ZNF462: variants seen among roughly 807,000 people sequenced by gnomAD.
The protein encoded by ZNF462 is zinc finger protein 462.
ZNF462 carries 10 observed loss-of-function variants against 201.9 expected under a neutral mutation model. The ratio of observed to expected loss-of-function variants is 0.05; its 90% CI spans 0.03 to 0.08. The LOEUF (loss-of-function observed/expected upper bound fraction) is 0.08, where lower values mean the gene tolerates loss of function less well. Among genes scored for constraint, ZNF462 ranks in the 10% least tolerant of loss-of-function variants. ZNF462 has a pLI of 1.00. For synonymous variants in ZNF462, 1,227 were observed against 1,193.3 expected (o/e 1.03, Z -0.58); for missense variants, 2,523 against 3,168.3 (o/e 0.80, Z 4.89).
At chr9:106,916,273 C>T (rs1829770566) in intron 1 of ZNF462, among the ~76,000 whole-genome samples, 1 of 152,172 alleles carries the variant, frequency 6.6e-6, no homozygotes, top group African/African-American at 2.4e-5. Flanking sequence ...CATGAAGACG[C>T]ACCCAAGGCC....
At chr9:106,949,597 C>A (rs12351612) in intron 7 of ZNF462, among the ~76,000 whole-genome samples, 11,469 of 152,164 alleles carry the variant, frequency 0.075, 1,390 homozygotes, top group African/African-American at 0.26. Flanking sequence ...CAAGCAGCCA[C>A]GGAGACAAGT....
chr9:106,974,185 G>C lies in ZNF462; in HGVS notation c.6744G>C (p.Glu2248Asp). 6.2e-7 allele frequency: 1 copy of C among 1,614,114 alleles called. No homozygotes were observed. The highest frequency in any genetic ancestry group is 8.5e-7 in the Non-Finnish European group (1 of 1,180,008). ...AAGCTGGGCACTCAGCAGTTCCCGA[G>C]GAGGGCCCCAAAGATCTTCGCTGTC... ...HVEAGHSAVP[E>D]EGPKDLRCPL... The change falls in exon 9 of 13, where the codon GAG becomes GAC. Residue 2248 changes from glutamate to aspartate, a missense_variant. Physicochemically the swap from Glu to Asp is conservative, Grantham distance 45. Coordinates refer to ENST00000277225, the MANE Select transcript of ZNF462 (RefSeq NM_021224.6). This position sits in a 1 kb window ranked among gnomAD's most constrained non-coding sequence, Gnocchi z 4.0.
At chr9:106,946,704 C>T (rs185384160) in intron 7 of ZNF462, among the ~76,000 whole-genome samples, 72 of 151,984 alleles carry the variant, frequency 4.7e-4, no homozygotes, top group African/African-American at 1.5e-3. Flanking sequence ...TGTTGTGGCT[C>T]GTGCCTGTAA....
rs556505975 is a variant in ZNF462 at position 106,963,351 on chromosome 9, G to A, written c.6428-8654G>A. Among the ~76,000 whole-genome samples, 218 of 152,156 alleles carry A rather than the reference G, an allele frequency of 1.4e-3. 1 individual carries two copies. Among genetic ancestry groups the A allele is most frequent in the Non-Finnish European group, 1.8e-3 (121 of 67,970 alleles). ...TTTAATAACTTAAAACAATATATATGTATCTGGACTTAACAAAGTTGTCCA... is the reference window on the plus strand; with the variant it reads ...TTTAATAACTTAAAACAATATATATATATCTGGACTTAACAAAGTTGTCCA... On this transcript the variant is annotated intron_variant, in intron 7 of 12. Coordinates refer to ENST00000277225, the MANE Select transcript of ZNF462 (RefSeq NM_021224.6). The surrounding 1 kb of genome is among the most constrained non-coding windows in gnomAD (Gnocchi z 4.7).
At chr9:106,884,283 C>T (rs1828225441) in intron 1 of ZNF462, among the ~76,000 whole-genome samples, 1 of 152,168 alleles carries the variant, frequency 6.6e-6, no homozygotes, top group African/African-American at 2.4e-5. Flanking sequence ...GAAGCAGCCA[C>T]TGTGCTTGAA....
chr9:106,923,727 T>G lies in ZNF462; in HGVS notation c.220+124T>G, dbSNP rs1830077008. On this transcript the variant is annotated intron_variant, in intron 2 of 12. Transcript: ENST00000277225. This position sits in a 1 kb window ranked among gnomAD's most constrained non-coding sequence, Gnocchi z 5.6. ...AGTTTCTTGTGCTTTGCTAGCCATT[T>G]TTGTGGTTTGGGCATCATGTATCTC... 1.0e-6 allele frequency: 1 copy of G among 986,702 alleles called. No homozygotes were observed. Among genetic ancestry groups the G allele is most frequent in the Non-Finnish European group, 1.5e-6 (1 of 671,656 alleles). The allele number at this position is 986,702 out of a possible 1,614,324, so 61.1% of individuals were successfully genotyped here.
At chr9:106,893,342 G>A (rs1828672979) in intron 1 of ZNF462, among the ~76,000 whole-genome samples, 1 of 152,164 alleles carries the variant, frequency 6.6e-6, no homozygotes, top group Non-Finnish European at 1.5e-5. Flanking sequence ...GGAAGTTGGG[G>A]ATATTCAGGG....
Position 106,954,262 on chromosome 9 carries a change from C to T in ZNF462, c.6427+15155C>T, listed in dbSNP as rs1262094990. Among the ~76,000 whole-genome samples, 1 of 151,976 alleles carries T rather than the reference C, an allele frequency of 6.6e-6. No homozygotes were observed. The highest frequency in any genetic ancestry group is 1.5e-5 in the Non-Finnish European group (1 of 67,978). ...GGAAACTTATAATCAAGGTGGAAGG[C>T]AAAGGGGGAGCAAGGCACATCTTAT... On this transcript the variant is annotated intron_variant, in intron 7 of 12. Transcript: ENST00000277225. This position sits in a 1 kb window ranked among gnomAD's most constrained non-coding sequence, Gnocchi z 4.0.
chr9:106,893,079 C>T (rs1490736481), intron 1 of ZNF462, among the ~76,000 whole-genome samples: 3 of 152,212 alleles, frequency 2.0e-5, no homozygotes, highest in Non-Finnish European at 4.4e-5. Flanking sequence ...AAATCCTTGC[C>T]TTACATTGAT....
intron 7 of ZNF462, among the ~76,000 whole-genome samples, chr9:106,967,408 A>C (rs1832123886): frequency 6.6e-6 from 1 of 151,732 alleles, no homozygotes; most frequent in East Asian, 1.9e-4. Context: ...ATAAAGTCAA[A>C]TTTCTTGTGA....
chr9:106,915,206 T>A (rs1045788761), intron 1 of ZNF462, among the ~76,000 whole-genome samples: 5 of 151,688 alleles, frequency 3.3e-5, no homozygotes, highest in African/African-American at 1.2e-4. Context: ...TGTATGTTTT[T>A]TTTTTTTCTT....
In ZNF462 at chr9:106,933,591, G is replaced by C. The variant is rs1349156485; in HGVS notation, c.6116+1042G>C. ...TGGGAAATATAAAGACACAGGCCAT[G>C]GTCTGTGGCCAGGGGAATTTAGGGT... On this transcript the variant is annotated intron_variant, in intron 5 of 12. Coordinates refer to ENST00000277225, the MANE Select transcript of ZNF462 (RefSeq NM_021224.6). The surrounding 1 kb of genome is among the most constrained non-coding windows in gnomAD (Gnocchi z 4.3). Among the ~76,000 whole-genome samples the C allele has an allele frequency of 6.6e-6, 1 of 152,108 alleles. No homozygotes were observed. The highest frequency in any genetic ancestry group is 1.5e-5 in the Non-Finnish European group (1 of 68,034).
intron 10 of ZNF462, among the ~76,000 whole-genome samples, chr9:106,995,113 C>T (rs1828607132): frequency 6.6e-6 from 1 of 152,028 alleles, no homozygotes; most frequent in Admixed American, 6.6e-5. Context: ...ACTGGCCAGC[C>T]ACAAAGCTCT....
chr9:106,967,286 G>A (rs150242217), intron 7 of ZNF462, among the ~76,000 whole-genome samples: 12 of 152,156 alleles, frequency 7.9e-5, no homozygotes, highest in African/African-American at 2.4e-4. Flanking sequence ...GAGCCAGCAC[G>A]TGACCTGGCA....
intron 7 of ZNF462, among the ~76,000 whole-genome samples, chr9:106,946,267 C>G (rs1232038785): frequency 6.6e-6 from 1 of 152,156 alleles, no homozygotes; most frequent in Admixed American, 6.5e-5. Flanking sequence ...TGGAAAGTAT[C>G]TAAAAGAGAA....
rs908578301 is a variant in ZNF462, at chr9:107,011,405, T to A, written c.*375T>A. The A allele has an allele frequency of 2.5e-5, 4 of 161,200 alleles. No individual in the cohort carries two copies. The highest frequency in any genetic ancestry group is 5.4e-5 in the Non-Finnish European group (4 of 74,344). 10.0% of individuals were successfully genotyped at this position (161,200 alleles called of 1,614,324 possible). ...AGACTTCTCATTGGGGAGCAACTTT[T>A]TGACGCACAACTTTTGGTGCGTTTT... On this transcript the variant is annotated 3_prime_UTR_variant, in exon 13 of 13. Coordinates refer to ENST00000277225, the MANE Select transcript of ZNF462 (RefSeq NM_021224.6). The surrounding 1 kb of genome is among the most constrained non-coding windows in gnomAD (Gnocchi z 5.6).
Position 107,010,463 on chromosome 9 carries a change from G to A in ZNF462, c.7314-360G>A, listed in dbSNP as rs1013728677. On this transcript the variant is annotated intron_variant, in intron 12 of 12. Coordinates refer to ENST00000277225, the MANE Select transcript of ZNF462 (RefSeq NM_021224.6). This position sits in a 1 kb window ranked among gnomAD's most constrained non-coding sequence, Gnocchi z 4.6. The stretch of plus-strand genomic sequence containing the variant: ...AATCTCCAAGCTTCTGGGTTCAGCC[G>A]ATGACTCTGAGCATAAGACAATTCT... 3.3e-5 allele frequency among the ~76,000 whole-genome samples: 5 copies of A among 152,132 alleles called. No homozygotes were observed. The highest frequency in any genetic ancestry group is 6.6e-5 in the Admixed American group (1 of 15,254).
intron 9 of ZNF462, among the ~76,000 whole-genome samples, chr9:106,982,583 G>T (rs1827524111): frequency 6.6e-6 from 1 of 152,072 alleles, no homozygotes; most frequent in Admixed American, 6.5e-5. Flanking sequence ...TTATAATCAT[G>T]TGTTTCTTAG....
In ZNF462 at chr9:107,009,125, T is replaced by G. The variant is rs1829769910; in HGVS notation, c.7190-420T>G. 1 of 168,538 alleles carries G rather than the reference T, an allele frequency of 5.9e-6. No homozygotes were observed. The highest frequency in any genetic ancestry group is 5.8e-5 in the Admixed American group (1 of 17,372). 10.4% of individuals were successfully genotyped at this position (168,538 alleles called of 1,614,324 possible). On this transcript the variant is annotated intron_variant, in intron 11 of 12. Transcript: ENST00000277225. This position sits in a 1 kb window ranked among gnomAD's most constrained non-coding sequence, Gnocchi z 6.1. ...CCAGGGCTTTCGGTAGCCTATGTTC[T>G]TTTCAGTGAACAAAGATAAACCTGT...
Sources: allele counts gnomAD v4.1 joint callset (sites outside exome capture counted in the v4.1 genomes callset), GRCh38; gene constraint gnomAD v4.1.1; non-coding constraint Gnocchi (gnomAD v3.1); transcripts MANE v1.5; gene names NCBI Gene and HGNC (gene_info 2026-07-23, HGNC 2026-07-21).